FAF2: variants seen among roughly 807,000 people sequenced by gnomAD.
FAF2 encodes Fas associated factor family member 2, also known as FAS-associated factor 2.
FAF2 carries 9 observed loss-of-function variants against 62.3 expected under a neutral mutation model. The ratio of observed to expected loss-of-function variants is 0.14; its 90% CI spans 0.09 to 0.25. The LOEUF (loss-of-function observed/expected upper bound fraction) is 0.25, where lower values mean the gene tolerates loss of function less well. FAF2 is among the 10% of genes least tolerant of loss of function. The pLI is 1.00. For synonymous variants in FAF2, 202 were observed against 198.0 expected, an observed-to-expected ratio of 1.02 and a Z score of -0.17; for missense variants, 368 against 556.2, an observed-to-expected ratio of 0.66 and a Z score of 3.40.
rs1759035523 is a variant in FAF2 at position 176,494,796 on chromosome 5, C to G, written c.661+521C>G. Among the ~76,000 whole-genome samples the G allele has an allele frequency of 6.6e-6, 1 of 152,084 alleles. No individual in the cohort carries two copies. Among genetic ancestry groups the G allele is most frequent in the Admixed American group, 6.5e-5 (1 of 15,280 alleles). ...TCCTGGACTCAAGTGAGCAGCCCAC[C>G]TCAGCCTCCCAAAGTGCTGGGATTA... On this transcript the variant is annotated intron_variant, in intron 7 of 10. Transcript: ENST00000261942. This position sits in a 1 kb window ranked among gnomAD's most constrained non-coding sequence, Gnocchi z 4.0.
chr5:176,506,646 TAG>T, intron 10 of FAF2, 120 bp from the exon 11 acceptor site: 2 of 764,136 alleles, frequency 2.6e-6, no homozygotes, highest in Non-Finnish European at 4.3e-6. Context: ...TTCTTTCCTA[TAG>T]AGTCATCCTG....
At chr5:176,487,864 A>G (rs1758901909) in intron 3 of FAF2, among the ~76,000 whole-genome samples, 1 of 151,958 alleles carries the variant, frequency 6.6e-6, no homozygotes. Context: ...TTGTTTTGGG[A>G]CAGAATCTCC....
intron 1 of FAF2, among the ~76,000 whole-genome samples, chr5:176,463,901 T>G (rs1286937221): frequency 6.6e-6 from 1 of 152,006 alleles, no homozygotes; most frequent in African/African-American, 2.4e-5. Flanking sequence ...GGCTAATTTT[T>G]GTAGTTTTAG....
At chr5:176,505,093 G>T (rs938736944) in intron 10 of FAF2, among the ~76,000 whole-genome samples, 7 of 152,044 alleles carry the variant, frequency 4.6e-5, no homozygotes, top group African/African-American at 1.4e-4. Context: ...ACACAGAGGG[G>T]TATAAAACCC....
At chr5:176,473,725 G>T (rs1042412297) in intron 1 of FAF2, among the ~76,000 whole-genome samples, 2 of 152,128 alleles carry the variant, frequency 1.3e-5, no homozygotes, top group Non-Finnish European at 1.5e-5. Context: ...TGCTAAAATT[G>T]TTCGAGCTTT....
intron 4 of FAF2, among the ~76,000 whole-genome samples, chr5:176,490,114 A>T (rs919475588): frequency 6.6e-6 from 1 of 152,078 alleles, no homozygotes; most frequent in South Asian, 2.1e-4. Flanking sequence ...GATCAAGACC[A>T]TCCTGGCTAA....
intron 7 of FAF2, among the ~76,000 whole-genome samples, chr5:176,495,802 A>C (rs1249422782): frequency 6.6e-6 from 1 of 152,144 alleles, no homozygotes; most frequent in Non-Finnish European, 1.5e-5. Flanking sequence ...TGGAGCTACC[A>C]GCCCAGCCTC....
At chr5:176,484,139 A>G (rs1426935096) in intron 2 of FAF2, among the ~76,000 whole-genome samples, 1 of 152,136 alleles carries the variant, frequency 6.6e-6, no homozygotes, top group African/African-American at 2.4e-5. Flanking sequence ...AAGCTTGCAT[A>G]CTACGCTCCT....
intron 2 of FAF2, among the ~76,000 whole-genome samples, chr5:176,483,240 T>A (rs1423779987): frequency 6.6e-6 from 1 of 152,138 alleles, no homozygotes; most frequent in Non-Finnish European, 1.5e-5. Flanking sequence ...TGTAATTTGA[T>A]GCAGAAAAGT....
intron 10 of FAF2, among the ~76,000 whole-genome samples, chr5:176,506,207 C>CAA (rs1402992067): frequency 1.8e-5 from 2 of 108,158 alleles, no homozygotes; most frequent in Non-Finnish European, 2.0e-5. Flanking sequence ...AAAAAAAAAA[C>CAA]AAAAAAAAAA....
chr5:176,500,673 A>G (rs1046293124), intron 10 of FAF2, among the ~76,000 whole-genome samples: 2 of 152,156 alleles, frequency 1.3e-5, no homozygotes, highest in African/African-American at 4.8e-5. Context: ...TAGCCATGTG[A>G]TAGTGTTTGT....
chr5:176,460,371 C>A (rs535126505), intron 1 of FAF2, among the ~76,000 whole-genome samples: 1 of 152,040 alleles, frequency 6.6e-6, no homozygotes, highest in African/African-American at 2.4e-5. Context: ...TATAAGCATT[C>A]GTTTTTCTCT....
At chr5:176,453,183 A>T (rs1405655884) in intron 1 of FAF2, 1 of 152,234 alleles carries the variant, frequency 6.6e-6, no homozygotes, top group East Asian at 1.9e-4. Flanking sequence ...CAGCTATTTC[A>T]GATGGGAAAG....
intron 1 of FAF2, among the ~76,000 whole-genome samples, chr5:176,462,844 G>A (rs1037764846): frequency 9.2e-5 from 14 of 152,142 alleles, no homozygotes; most frequent in Non-Finnish European, 1.3e-4. Context: ...CCTAGAAGGG[G>A]TGAGGGATGG....
intron 2 of FAF2, among the ~76,000 whole-genome samples, chr5:176,486,082 T>A (rs1758869068): frequency 3.3e-5 from 5 of 152,210 alleles, no homozygotes; most frequent in Admixed American, 3.3e-4. Context: ...AAATAATACA[T>A]GCCATCTGAA....
At chr5:176,500,230 T>G in intron 10 of FAF2, 84 bp downstream of exon 10, 1 of 1,314,606 alleles carries the variant, frequency 7.6e-7, no homozygotes, top group Non-Finnish European at 1.1e-6. Context: ...AGAGTGGTGT[T>G]GGTGTATCTG....
At chr5:176,471,219 C>G (rs548190555) in intron 1 of FAF2, among the ~76,000 whole-genome samples, 14 of 152,222 alleles carry the variant, frequency 9.2e-5, no homozygotes, top group African/African-American at 3.4e-4. Context: ...TATAATCTTG[C>G]TGGTGTCTTG....
chr5:176,450,106 G>T (rs1207319240), intron 1 of FAF2, among the ~76,000 whole-genome samples: 2 of 152,180 alleles, frequency 1.3e-5, no homozygotes, highest in African/African-American at 4.8e-5. Context: ...TTTTTGGCGA[G>T]TTCTCACTTT....
At chr5:176,490,528 C>T (rs1758955567) in intron 4 of FAF2, among the ~76,000 whole-genome samples, 1 of 108,970 alleles carries the variant, frequency 9.2e-6, no homozygotes, top group African/African-American at 3.3e-5. Context: ...ACAGCCTTTA[C>T]CCTGCCTCTA....
Sources: gnomAD v4.1 joint callset for allele counts (sites outside exome capture counted in the v4.1 genomes callset) on GRCh38, gnomAD v4.1.1 for gene constraint, Gnocchi (gnomAD v3.1) non-coding constraint, MANE v1.5 for transcripts, NCBI Gene and HGNC (gene_info 2026-07-23, HGNC 2026-07-21) for gene names.